Variants in THOC2 observed in about 807,000 individuals in gnomAD.
THOC2 encodes the protein THO complex subunit 2.
THOC2 carries 10 observed loss-of-function variants against 128.4 expected under a neutral mutation model. The ratio of observed to expected loss-of-function variants is 0.08; its 90% confidence interval spans 0.05 to 0.13. The LOEUF (loss-of-function observed/expected upper bound fraction) is 0.13. Ranked by LOEUF, THOC2 falls within the 10% of genes least tolerant of loss-of-function variation. THOC2 has a pLI of 1.00. For missense variants in THOC2, 535 were observed against 1,155.7 expected, an observed-to-expected ratio of 0.46 and a Z score of 7.79; for synonymous variants, 393 against 396.9, an observed-to-expected ratio of 0.99 and a Z score of 0.12.
chrX:123,624,951 GT>G (rs1171776256), intron 25 of THOC2, among the ~76,000 whole-genome samples: 32 of 105,928 alleles, frequency 3.0e-4, no homozygotes, highest in East Asian at 1.8e-3. Context: ...ATAATAAGTT[GT>G]TTTTTTTTTA....
At chrX:123,609,495 C>T (rs1035508995) in intron 38 of THOC2, among the ~76,000 whole-genome samples, 1 of 111,421 alleles carries the variant, frequency 9.0e-6, no homozygotes, top group Non-Finnish European at 1.9e-5. Context: ...TACCTTTAAG[C>T]CCATACCCTT....
chrX:123,710,463 C>T (rs1238543762), intron 2 of THOC2, among the ~76,000 whole-genome samples: 1 of 111,590 alleles, frequency 9.0e-6, no homozygotes, highest in African/African-American at 3.3e-5. Context: ...ATAAAGTACC[C>T]AAGTATTTTT....
chrX:123,709,329 A>C (rs11795537), intron 2 of THOC2, among the ~76,000 whole-genome samples: 4,312 of 111,217 alleles, frequency 0.039, 81 homozygotes, highest in Non-Finnish European at 0.053. Context: ...CGGTGGCTCA[A>C]GCCTGTAATC....
intron 3 of THOC2, among the ~76,000 whole-genome samples, chrX:123,704,684 C>T (rs1178576151): frequency 1.8e-5 from 2 of 110,784 alleles, no homozygotes; most frequent in South Asian, 3.9e-4. Context: ...ATGATGAAAC[C>T]CTGTCTCTAC....
intron 12 of THOC2, among the ~76,000 whole-genome samples, chrX:123,653,990 G>T (rs2048465943): frequency 1.8e-5 from 2 of 111,422 alleles, no homozygotes; most frequent in Admixed American, 1.9e-4. Flanking sequence ...CAATAGCAAA[G>T]ACTTAGAACC....
At chrX:123,680,365 T>C (rs1001132293) in intron 8 of THOC2, among the ~76,000 whole-genome samples, 5 of 111,068 alleles carry the variant, frequency 4.5e-5, no homozygotes, top group Non-Finnish European at 5.7e-5. Context: ...GCAGAGACCT[T>C]TGTTCACGTG....
chrX:123,632,357 G>A lies in THOC2; in HGVS notation c.2316+504C>T, dbSNP rs1330447183. ...ATCTAAAAATTAGCCAGGTGTGGTG[G>A]TGCATGCCTATAATCCCCAGCTACT... On this transcript the variant is annotated intron_variant, in intron 21 of 38. Transcript: ENST00000245838. 2.8e-5 allele frequency among the ~76,000 whole-genome samples: 3 copies of A among 108,920 alleles called. No individual in the cohort carries two copies. In the East Asian group the frequency reaches 8.6e-4, roughly 31 times the overall value. The allele number at this position is 108,920 out of a possible 115,157, so 94.6% of individuals were successfully genotyped here.
chrX:123,663,795 G>A (rs144258796), intron 12 of THOC2, among the ~76,000 whole-genome samples: 3,986 of 109,904 alleles, frequency 0.036, 201 homozygotes, highest in African/African-American at 0.12. Context: ...AACAGGCCCC[G>A]GTGTGTGAAG....
chrX:123,677,362 C>G (rs1434502854), intron 8 of THOC2, among the ~76,000 whole-genome samples: 1 of 111,114 alleles, frequency 9.0e-6, no homozygotes, highest in Non-Finnish European at 1.9e-5. Flanking sequence ...ACACTATATA[C>G]TTAGGTTACA....
chrX:123,670,298 CATAAGGGG>C (rs2049220784), intron 9 of THOC2, among the ~76,000 whole-genome samples: 1 of 112,371 alleles, frequency 8.9e-6, no homozygotes, highest in Non-Finnish European at 1.9e-5. Flanking sequence ...CTGACAGTCC[CATAAGGGG>C]ATAAAAAAGC....
chrX:123,642,500 C>A (rs2047966795), intron 15 of THOC2, among the ~76,000 whole-genome samples: 2 of 109,743 alleles, frequency 1.8e-5, no homozygotes, highest in Admixed American at 2.0e-4. Flanking sequence ...CAAGCCTGGT[C>A]CAGTGAAGGA....
At chrX:123,628,673 T>C (rs1413618921) in intron 22 of THOC2, among the ~76,000 whole-genome samples, 1 of 107,543 alleles carries the variant, frequency 9.3e-6, no homozygotes, top group African/African-American at 3.4e-5. Flanking sequence ...ATCATGCCCC[T>C]TCACTCCAGA....
chrX:123,647,057 CAT>C (rs2048154641), intron 12 of THOC2, among the ~76,000 whole-genome samples: 1 of 111,405 alleles, frequency 9.0e-6, no homozygotes, highest in Admixed American at 9.5e-5. Flanking sequence ...CTAGGTGACT[CAT>C]ATGAGTTTCA....
intron 2 of THOC2, among the ~76,000 whole-genome samples, chrX:123,708,555 T>C (rs2051038463): frequency 9.1e-6 from 1 of 109,945 alleles, no homozygotes; most frequent in Non-Finnish European, 1.9e-5. Flanking sequence ...AATAGCCAAT[T>C]ATCAAAAACT....
rs1158062826 is a variant in THOC2, at chrX:123,725,429, A to C, written c.71+7523T>G. 6.3e-5 allele frequency among the ~76,000 whole-genome samples: 3 copies of C among 47,638 alleles called. No individual in the cohort carries two copies. The Admixed American group carries it at 7.2e-4, about 11-fold the overall frequency. 41.4% of individuals were successfully genotyped at this position (47,638 alleles called of 115,157 possible). A position where few individuals can be genotyped will look rare whatever the true frequency, so the allele number is the denominator to read the frequency against. Reference sequence around the variant, plus strand: ...CCAACAAGTGAGACCCCATCTCTACAAAAAAAAAAAAAAAATAGAAAAAAA... The same window carrying C: ...CCAACAAGTGAGACCCCATCTCTACCAAAAAAAAAAAAAAATAGAAAAAAA... On this transcript the variant is annotated intron_variant, in intron 1 of 38. Coordinates refer to ENST00000245838, the MANE Select transcript of THOC2 (RefSeq NM_001081550.2).
At chrX:123,642,041 A>T (rs748329977) in intron 15 of THOC2, among the ~76,000 whole-genome samples, 69 of 112,510 alleles carry the variant, frequency 6.1e-4, no homozygotes, top group African/African-American at 2.0e-3. Flanking sequence ...TCATTCATTC[A>T]TATTAATGCC....
At chrX:123,700,720 G>GA (rs1372865898) in intron 4 of THOC2, among the ~76,000 whole-genome samples, 3 of 111,950 alleles carry the variant, frequency 2.7e-5, no homozygotes, top group Non-Finnish European at 3.8e-5. Flanking sequence ...GCATGGCCTT[G>GA]AAAAATCACA....
intron 9 of THOC2, among the ~76,000 whole-genome samples, chrX:123,669,898 C>G (rs1416778259): frequency 8.9e-6 from 1 of 111,851 alleles, no homozygotes. Flanking sequence ...TAAGTTTAAG[C>G]TGTTTCTCAT....
intron 1 of THOC2, among the ~76,000 whole-genome samples, chrX:123,716,817 G>A (rs2051442369): frequency 9.5e-6 from 1 of 105,367 alleles, no homozygotes; most frequent in Admixed American, 1.0e-4. Flanking sequence ...AGAATCGCTT[G>A]GACCCAGGAG....
Sources: gnomAD v4.1 joint callset for allele counts (sites outside exome capture counted in the v4.1 genomes callset) on GRCh38, gnomAD v4.1.1 for gene constraint, MANE v1.5 for transcripts, NCBI Gene and HGNC (gene_info 2026-07-23, HGNC 2026-07-21) for gene names.